The following INTS2 variants were observed in gnomAD, a reference collection of about 807,000 sequenced individuals.
INTS2 encodes KIAA1287.
Under a neutral mutation model 139.6 loss-of-function variants are expected in INTS2, and 57 were observed. That is an observed-to-expected ratio of 0.41 (90% CI 0.33 to 0.51). The LOEUF is 0.51. Ranked by LOEUF, INTS2 falls within the 20% of genes least tolerant of loss-of-function variation. The pLI, the probability that INTS2 is intolerant of heterozygous loss-of-function variation, is 0.28. For synonymous variants in INTS2, 473 were observed against 493.4 expected (o/e 0.96, Z 0.55); for missense variants, 1,196 against 1,436.7 (o/e 0.83, Z 2.71).
intron 15 of INTS2, among the ~76,000 whole-genome samples, chr17:61,888,476 T>C (rs185041071): frequency 6.6e-6 from 1 of 152,288 alleles, no homozygotes; most frequent in African/African-American, 2.4e-5. Flanking sequence ...ATATCATGCA[T>C]GCTAAATCTG....
rs1452606711 is a variant in INTS2 at position 61,911,948 on chromosome 17, C to T, written c.772G>A (p.Gly258Ser). ...AACACAGGATCACTTACCACCATGC[C>T]TCGGACCTTGAGGGCCTGAGAAGGA... ...MNPSQALKVR[G>S]MVVEECHLPG... is the part of the protein sequence containing the mutation. Residue 258 changes from glycine (G) to serine (S), a missense_variant, in exon 6 of 25, where the codon GGC (glycine) becomes AGC (serine). Gly to Ser is a moderately conservative substitution (Grantham distance 56). Transcript: ENST00000251334. 1 of 1,612,620 alleles carries T rather than the reference C, an allele frequency of 6.2e-7. No individual in the cohort carries two copies. The highest frequency in any genetic ancestry group is 8.5e-7 in the Non-Finnish European group (1 of 1,179,588).
intron 16 of INTS2, among the ~76,000 whole-genome samples, chr17:61,881,883 A>G (rs908674954): frequency 6.6e-6 from 1 of 152,240 alleles, no homozygotes; most frequent in Admixed American, 6.5e-5. Context: ...CCCACCCAAC[A>G]TAACAGTCTC....
In INTS2 at chr17:61,878,075, G is replaced by C. The variant is rs373807163; in HGVS notation, c.2268C>G (p.Val756=). 1.2e-6 allele frequency: 2 copies of C among 1,608,432 alleles called. No individual in the cohort carries two copies. Among genetic ancestry groups the C allele is most frequent in the South Asian group, 2.2e-5 (2 of 90,982 alleles). ...GCATCACTTGTGTGTTATTTACTGG[G>C]ACAGCTGAAAATGCTAAAAAGAAAA... is the stretch of plus-strand genomic sequence containing the variant. ...PKQLQEAFSA[V]PVNNTQVMQI... Residue 756 remains valine, a synonymous_variant, in exon 18 of 25, where the codon GTC becomes GTG. Coordinates refer to ENST00000251334, the MANE Select transcript of INTS2 (RefSeq NM_001351695.2).
At chr17:61,920,829 G>C (rs1447868956) in intron 4 of INTS2, among the ~76,000 whole-genome samples, 1 of 151,968 alleles carries the variant, frequency 6.6e-6, no homozygotes, top group Non-Finnish European at 1.5e-5. Context: ...GTCTCACTCT[G>C]GACAGAGTGC....
rs368937231 is a variant in INTS2 at position 61,876,604 on chromosome 17, T to A, written c.2456+1283A>T. ...CAGGCATGCATGCACCACCATGCCC[T>A]GCTAATTTTTGTATTTTTTGTAGAG... On this transcript the variant is annotated intron_variant, in intron 18 of 24. Transcript: ENST00000251334. The surrounding 1 kb of genome is among the most constrained non-coding windows in gnomAD (Gnocchi z 4.1). 7.9e-5 allele frequency among the ~76,000 whole-genome samples: 12 copies of A among 152,138 alleles called. No individual in the cohort carries two copies. The highest frequency in any genetic ancestry group is 5.8e-4 in the East Asian group (3 of 5,166).
chr17:61,913,196 G>A (rs1231078135), intron 5 of INTS2, among the ~76,000 whole-genome samples: 1 of 151,952 alleles, frequency 6.6e-6, no homozygotes, highest in Non-Finnish European at 1.5e-5. Context: ...AAATTAGCCA[G>A]GCATGGGGGC....
Position 61,927,708 on chromosome 17 carries a change from G to C in INTS2, c.-73C>G. 1 of 1,450,540 alleles carries C rather than the reference G, an allele frequency of 6.9e-7. No homozygotes were observed. Among genetic ancestry groups the C allele is most frequent in the Non-Finnish European group, 9.1e-7 (1 of 1,104,396 alleles). 89.9% of individuals were successfully genotyped at this position (1,450,540 alleles called of 1,614,324 possible). The stretch of plus-strand genomic sequence containing the variant: ...CCGCACACGGACTCCGCGTCCTAGA[G>C]GCGGGACGCGGCAGAAATCGAGAGC... On this transcript the variant is annotated 5_prime_UTR_variant, in exon 1 of 25. Coordinates refer to ENST00000251334, the MANE Select transcript of INTS2 (RefSeq NM_001351695.2).
At chr17:61,926,298 G>T in intron 2 of INTS2, 54 bp downstream of exon 2, 1 of 1,385,314 alleles carries the variant, frequency 7.2e-7, no homozygotes, top group Admixed American at 2.2e-5. Context: ...AAAAATATCT[G>T]ATTCCCTGTT....
At chr17:61,907,106 C>A (rs1318563150) in intron 8 of INTS2, among the ~76,000 whole-genome samples, 2 of 151,982 alleles carry the variant, frequency 1.3e-5, no homozygotes, top group African/African-American at 4.8e-5. Flanking sequence ...AGATCATTCA[C>A]TATAGTTTTG....
At chr17:61,888,996 G>A (rs1265763441) in intron 15 of INTS2, among the ~76,000 whole-genome samples, 1 of 151,466 alleles carries the variant, frequency 6.6e-6, no homozygotes, top group East Asian at 1.9e-4. Flanking sequence ...CTGCACTCTA[G>A]GCTGGGCAAC....
At chr17:61,895,480 G>T in intron 11 of INTS2, 97 bp from the exon 12 acceptor site, 1 of 639,918 alleles carries the variant, frequency 1.6e-6, no homozygotes, top group Non-Finnish European at 2.6e-6. Flanking sequence ...ACACATAAAT[G>T]TTCAAATGTT....
intron 1 of INTS2, chr17:61,926,999 C>A: frequency 3.3e-6 from 1 of 307,102 alleles, no homozygotes; most frequent in Non-Finnish European, 6.2e-6. Context: ...AGGCTGAATC[C>A]TCATCTACTA....
At chr17:61,912,506 C>A (rs890853668) in intron 5 of INTS2, among the ~76,000 whole-genome samples, 2 of 151,702 alleles carry the variant, frequency 1.3e-5, no homozygotes, top group African/African-American at 4.8e-5. Flanking sequence ...ACCTGTAATC[C>A]GAGCTACTCA....
Position 61,924,945 on chromosome 17 carries a change from G to A in INTS2, c.432+16C>T. ...CAAATCATGCATACTTTGAGCTGTG[G>A]TTAAAAGAAATGCACCTTGTTCATA... is the stretch of plus-strand genomic sequence containing the variant. On this transcript the variant is annotated intron_variant, in intron 3 of 24. Transcript: ENST00000251334. The A allele has an allele frequency of 1.2e-6, 2 of 1,608,350 alleles. No homozygotes were observed. Among genetic ancestry groups the A allele is most frequent in the East Asian group, 2.2e-5 (1 of 44,804 alleles).
chr17:61,906,898 A>G (rs1376588783), intron 8 of INTS2, among the ~76,000 whole-genome samples: 1 of 132,740 alleles, frequency 7.5e-6, no homozygotes, highest in Admixed American at 8.8e-5. Context: ...CGGGAGGCAG[A>G]GGTTACAGTG....
intron 3 of INTS2, among the ~76,000 whole-genome samples, 196 bp from the exon 4 acceptor site, chr17:61,922,023 T>C (rs189785984): frequency 2.9e-4 from 44 of 152,270 alleles, no homozygotes; most frequent in Admixed American, 8.5e-4. Context: ...TATTCAGATA[T>C]AGCAGTATCA....
chr17:61,881,199 A>G (rs2079175262), intron 16 of INTS2, 28 bp from the exon 17 acceptor site: 1 of 1,586,718 alleles, frequency 6.3e-7, no homozygotes, highest in Admixed American at 1.7e-5. Flanking sequence ...AATCAATTGG[A>G]TTCTTCATGC....
At chr17:61,907,315 A>G in intron 8 of INTS2, 93 bp downstream of exon 8, 1 of 1,061,742 alleles carries the variant, frequency 9.4e-7, no homozygotes, top group Non-Finnish European at 1.4e-6. Flanking sequence ...GAAAACTTTA[A>G]TCCTCTGAAT....
rs1452419205 is a variant in INTS2, at chr17:61,881,067, G to A, written c.2194C>T (p.Leu732=). The change falls in exon 17 of 25, where the codon CTA becomes TTA. Residue 732 remains leucine, a synonymous_variant. Coordinates refer to ENST00000251334, the MANE Select transcript of INTS2 (RefSeq NM_001351695.2). ...EEEITGTDAL[L]RRMLLTNNAK... ...TTATTAGTCAGGAGCATTCGCCGTA[G>A]CAGGGCATCAGTCCCTGTGATTTCT... is the stretch of plus-strand genomic sequence containing the variant. 1.9e-6 allele frequency: 3 copies of A among 1,613,588 alleles called. No individual in the cohort carries two copies. Among genetic ancestry groups the A allele is most frequent in the Non-Finnish European group, 2.5e-6 (3 of 1,179,628 alleles).
Sources: gnomAD v4.1 joint callset for allele counts (sites outside exome capture counted in the v4.1 genomes callset) on GRCh38, gnomAD v4.1.1 for gene constraint, Gnocchi (gnomAD v3.1) non-coding constraint, MANE v1.5 for transcripts, NCBI Gene and HGNC (gene_info 2026-07-23, HGNC 2026-07-21) for gene names.